C4orf50: variants seen among roughly 807,000 people sequenced by gnomAD.
C4orf50 encodes uncharacterized protein C4orf50.
A neutral mutation model predicts 77.2 loss-of-function variants in C4orf50; 80 were observed. That is an observed-to-expected ratio of 1.04 (90% CI 0.87 to 1.25). The LOEUF (loss-of-function observed/expected upper bound fraction) is 1.25. Ranked by LOEUF, C4orf50 falls within the 50% of genes most tolerant of loss-of-function variation. The pLI, the probability that C4orf50 is intolerant of heterozygous loss-of-function variation, is 0.00. For synonymous variants in C4orf50, 532 were observed against 465.3 expected (o/e 1.14, Z -1.84); for missense variants, 1,257 against 1,152.9 (o/e 1.09, Z -1.31).
intron 27 of C4orf50, among the ~76,000 whole-genome samples, chr4:5,991,399 G>GA (rs1427577399): frequency 1.4e-4 from 21 of 152,212 alleles, no homozygotes; most frequent in Non-Finnish European, 5.9e-5. Context: ...GATGGGGCTG[G>GA]TGCAGGTGGT....
intron 7 of C4orf50, among the ~76,000 whole-genome samples, chr4:5,914,751 T>C (rs1716961882): frequency 6.6e-6 from 1 of 152,248 alleles, no homozygotes; most frequent in East Asian, 1.9e-4. Flanking sequence ...AAGTTATTTG[T>C]ACTTGATCTC....
chr4:5,960,159 A>G (rs1037670943), intron 33 of C4orf50, among the ~76,000 whole-genome samples: 1 of 152,226 alleles, frequency 6.6e-6, no homozygotes, highest in African/African-American at 2.4e-5. Context: ...AAATGCCTTC[A>G]TTAAATGTAT....
At chr4:5,913,819 A>G (rs778453583) in intron 7 of C4orf50, among the ~76,000 whole-genome samples, 5 of 152,244 alleles carry the variant, frequency 3.3e-5, no homozygotes, top group Non-Finnish European at 7.3e-5. Context: ...TTTTAGCACA[A>G]GTTTGAATTT....
At chr4:5,935,505 G>A (rs1717967716) in intron 7 of C4orf50, among the ~76,000 whole-genome samples, 1 of 152,152 alleles carries the variant, frequency 6.6e-6, no homozygotes, top group Non-Finnish European at 1.5e-5. Flanking sequence ...TAAATCCCCA[G>A]GGCTGGGTGT....
At chr4:5,988,606 G>C in exon 28 of C4orf50, 1 of 1,536,188 alleles carries the variant, frequency 6.5e-7, no homozygotes, top group Non-Finnish European at 8.7e-7. Context: ...TGGCCCACAG[G>C]CTCTTGAAAG....
intron 32 of C4orf50, among the ~76,000 whole-genome samples, chr4:5,966,043 A>C (rs919858255): frequency 2.0e-5 from 3 of 152,222 alleles, no homozygotes; most frequent in Admixed American, 1.3e-4. Context: ...TCCCGCCCCC[A>C]CGCTGAGGGT....
exon 30 of C4orf50, chr4:5,975,902 C>G (rs1267574775): frequency 6.2e-7 from 1 of 1,609,364 alleles, no homozygotes; most frequent in Admixed American, 1.7e-5. Context: ...ATATTACCTT[C>G]AGGGGAGTCA....
chr4:6,005,673 T>G (rs73795162), intron 25 of C4orf50, among the ~76,000 whole-genome samples: 30,512 of 152,164 alleles, frequency 0.2, 3,895 homozygotes, highest in East Asian at 0.61. Context: ...AAACAGCACC[T>G]GTCTCACAAG....
intron 28 of C4orf50, among the ~76,000 whole-genome samples, chr4:5,986,777 T>A (rs1720887252): frequency 6.6e-6 from 1 of 151,962 alleles, no homozygotes; most frequent in Non-Finnish European, 1.5e-5. Flanking sequence ...GACCTCATGA[T>A]CCGCCCTCCT....
chr4:5,989,459 T>C, exon 28 of C4orf50: 1 of 1,536,076 alleles, frequency 6.5e-7, no homozygotes, highest in Non-Finnish European at 8.7e-7. Context: ...TTAGAACAAA[T>C]ACCCCAATTT....
chr4:5,940,426 C>T (rs918370903), intron 7 of C4orf50, among the ~76,000 whole-genome samples: 2 of 152,210 alleles, frequency 1.3e-5, no homozygotes, highest in Admixed American at 6.5e-5. Context: ...TGAATCCCAC[C>T]ATATCAGATG....
chr4:5,965,148 G>A lies in C4orf50; in HGVS notation c.4154-3C>T, dbSNP rs1382623048. ...AGGATTCAAGAGGTATGTCTGAGCT[G>A]GAAGGGAAAATTCTCAGTCAAGCCT... On this transcript the variant is annotated splice_polypyrimidine_tract_variant and splice_region_variant and intron_variant, in intron 32 of 33. Transcript: ENST00000531445. 12 of 1,610,856 alleles carry A rather than the reference G, an allele frequency of 7.4e-6. No individual in the cohort carries two copies. The highest frequency in any genetic ancestry group is 1.3e-5 in the African/African-American group (1 of 74,842).
intron 28 of C4orf50, among the ~76,000 whole-genome samples, chr4:5,981,286 T>C (rs1262039653): frequency 6.6e-6 from 1 of 152,094 alleles, no homozygotes; most frequent in Non-Finnish European, 1.5e-5. Context: ...TATTCTAACA[T>C]CTTGCTGTTA....
chr4:5,958,294 G>A lies in C4orf50; in HGVS notation c.*1081C>T, dbSNP rs1254758176. On this transcript the variant is annotated 3_prime_UTR_variant, in exon 34 of 34. Transcript: ENST00000531445. The surrounding 1 kb of genome is among the most constrained non-coding windows in gnomAD (Gnocchi z 5.4). Reference sequence around the variant, plus strand: ...CGGGGCACGAGTCTCTGTTCTCGGTGGAAGGAAGGGGTGCTGGATGGGAAC... The same window carrying A: ...CGGGGCACGAGTCTCTGTTCTCGGTAGAAGGAAGGGGTGCTGGATGGGAAC... 6.6e-6 allele frequency: 1 copy of A among 152,104 alleles called. No individual in the cohort carries two copies. The highest frequency in any genetic ancestry group is 1.5e-5 in the Non-Finnish European group (1 of 68,050). The allele number at this position is 152,104 out of a possible 1,614,324, so 9.4% of individuals were successfully genotyped here.
rs1037298900 is a variant in C4orf50 at position 6,008,235 on chromosome 4, C to T, written c.724G>A (p.Ala242Thr). The T allele has an allele frequency of 7.8e-5, 31 of 395,896 alleles. No homozygotes were observed. Among genetic ancestry groups the T allele is most frequent in the Non-Finnish European group, 1.3e-4 (29 of 224,314 alleles). 24.5% of individuals were successfully genotyped at this position (395,896 alleles called of 1,614,324 possible). A position where few individuals can be genotyped will look rare whatever the true frequency, so the allele number is the denominator to read the frequency against. ...CTGCGCTCTGCCCTCGCCTGCAGGGCGCGCAGTTCCGCAGCCGCCTCGGTG... is the reference window on the plus strand; with the variant it reads ...CTGCGCTCTGCCCTCGCCTGCAGGGTGCGCAGTTCCGCAGCCGCCTCGGTG... Residue 242 changes from alanine (A) to threonine (T), a missense_variant, in exon 25 of 34, where the codon GCC becomes ACC. Physicochemically the swap from Ala to Thr is moderately conservative, Grantham distance 58. Coordinates refer to ENST00000531445, the Ensembl canonical transcript of C4orf50. This position sits in a 1 kb window ranked among gnomAD's most constrained non-coding sequence, Gnocchi z 6.0.
chr4:6,009,289 T>C lies in C4orf50; in HGVS notation c.427-757A>G, dbSNP rs915361433. On this transcript the variant is annotated intron_variant, in intron 24 of 33. Transcript: ENST00000531445. This position sits in a 1 kb window ranked among gnomAD's most constrained non-coding sequence, Gnocchi z 5.6. ...TGCGAAAATTAGAGCCGTTGCCTAC[T>C]TTTCAGAATTAATTCAAGCAAAGGG... 4.6e-5 allele frequency among the ~76,000 whole-genome samples: 7 copies of C among 152,192 alleles called. No homozygotes were observed. Among genetic ancestry groups the C allele is most frequent in the East Asian group, 1.9e-4 (1 of 5,194 alleles).
intron 7 of C4orf50, among the ~76,000 whole-genome samples, chr4:5,943,217 C>A (rs1718338619): frequency 6.6e-6 from 1 of 152,200 alleles, no homozygotes; most frequent in African/African-American, 2.4e-5. Context: ...TAGGCACCCG[C>A]AGTAGGCTTC....
At chr4:6,003,730 ATGGTGATGATAGTGG>A (rs1560597698) in intron 25 of C4orf50, among the ~76,000 whole-genome samples, 2 of 139,090 alleles carry the variant, frequency 1.4e-5, no homozygotes, top group Non-Finnish European at 3.1e-5. Flanking sequence ...GATGATGGTG[ATGGTGATGATAGTGG>A]TGATGGTGAT....
rs543180982 is a variant in C4orf50, at chr4:5,937,929, T to A, written c.*2474+18972A>T. Among the ~76,000 whole-genome samples, 6 of 152,254 alleles carry A rather than the reference T, an allele frequency of 3.9e-5. No individual in the cohort carries two copies. In the South Asian group the frequency reaches 1.2e-3, roughly 32 times the overall value. On this transcript the variant is annotated intron_variant, in intron 7 of 7. Transcript: ENST00000324058. ...ATTAATAATATAGCCTCAAAATGTA[T>A]AAGGCAAAACTAAGAAAATTAGAAA...
Sources: allele counts gnomAD v4.1 joint callset (sites outside exome capture counted in the v4.1 genomes callset), GRCh38; gene constraint gnomAD v4.1.1; non-coding constraint Gnocchi (gnomAD v3.1); transcripts MANE v1.5; gene names NCBI Gene and HGNC (gene_info 2026-07-23, HGNC 2026-07-21).